Variants in NDUFB7 observed in about 807,000 individuals in gnomAD.
The protein encoded by NDUFB7 is NADH:ubiquinone oxidoreductase subunit B7.
A neutral mutation model predicts 14.7 loss-of-function variants in NDUFB7; 18 were observed. The observed-to-expected ratio is 1.22, with a 90% CI of 0.85 to 1.81. NDUFB7 has a LOEUF of 1.81. Among genes scored for constraint, NDUFB7 ranks in the 40% most tolerant of loss-of-function variants. The pLI, the probability that NDUFB7 is intolerant of heterozygous loss-of-function variation, is 0.00. For synonymous variants in NDUFB7, 86 were observed against 76.1 expected, an observed-to-expected ratio of 1.13 and a Z score of -0.68; for missense variants, 219 against 195.0, an observed-to-expected ratio of 1.12 and a Z score of -0.73.
Position 14,571,878 on chromosome 19 carries a change from C to T in NDUFB7, c.112+11G>A. ...CACGCCCTCTGGCTGCGCCTGCGCA[C>T]TGGGCCTCACCGCGCTCCTTGCGTT... On this transcript the variant is annotated intron_variant, in intron 1 of 2. Transcript: ENST00000215565. 1.2e-6 allele frequency: 2 copies of T among 1,602,480 alleles called. No individual in the cohort carries two copies. The highest frequency in any genetic ancestry group is 8.5e-7 in the Non-Finnish European group (1 of 1,175,658).
intron 1 of NDUFB7, among the ~76,000 whole-genome samples, chr19:14,568,037 T>C (rs1421168973): frequency 6.6e-6 from 1 of 152,160 alleles, no homozygotes; most frequent in Non-Finnish European, 1.5e-5. Context: ...TTACGCTTTG[T>C]TCTGGGAGCC....
Position 14,566,788 on chromosome 19 carries a change from G to A in NDUFB7, c.258C>T (p.Asp86=). The change falls in exon 2 of 3, where the codon GAC becomes GAT. Residue 86 remains aspartate (D), a synonymous_variant. Coordinates refer to ENST00000215565, the MANE Select transcript of NDUFB7 (RefSeq NM_004146.6). ...ACTCGCGGTGCTCGCAGTAGTCCCA[G>A]TCGTGCCGCTCCTGCTTGCAGGCCA... ...NFLACKQERH[D]WDYCEHRDYV... 1 of 1,545,896 alleles carries A rather than the reference G, an allele frequency of 6.5e-7. No homozygotes were observed. Among genetic ancestry groups the A allele is most frequent in the Admixed American group, 2.0e-5 (1 of 50,980 alleles).
At chr19:14,568,216 TG>T (rs2074104791) in intron 1 of NDUFB7, among the ~76,000 whole-genome samples, 1 of 152,200 alleles carries the variant, frequency 6.6e-6, no homozygotes, top group Admixed American at 6.5e-5. Context: ...GACTAATTTT[TG>T]TATTTTTAGT....
chr19:14,570,099 G>A (rs1225379941), intron 1 of NDUFB7, among the ~76,000 whole-genome samples: 2 of 152,096 alleles, frequency 1.3e-5, no homozygotes, highest in Non-Finnish European at 2.9e-5. Context: ...GTTTCACCAT[G>A]TTGGCCAGGC....
At position 14,572,061 on chromosome 19, in the gene NDUFB7, A is replaced by G; in HGVS notation, c.-61T>C. On this transcript the variant is annotated 5_prime_UTR_variant, in exon 1 of 3. Coordinates refer to ENST00000215565, the MANE Select transcript of NDUFB7 (RefSeq NM_004146.6). ...GGTCACCTAGCTCCTACCCGGAACC[A>G]CTGACCCCTCAGTCAGACACAGCTT... 1 of 1,286,002 alleles carries G rather than the reference A, an allele frequency of 7.8e-7. No homozygotes were observed. The highest frequency in any genetic ancestry group is 1.1e-6 in the Non-Finnish European group (1 of 929,212). The allele number at this position is 1,286,002 out of a possible 1,614,324, so 79.7% of individuals were successfully genotyped here. A position where few individuals can be genotyped will look rare whatever the true frequency, so the allele number is the denominator to read the frequency against.
chr19:14,570,303 G>A (rs568874903), intron 1 of NDUFB7, among the ~76,000 whole-genome samples: 1 of 151,930 alleles, frequency 6.6e-6, no homozygotes, highest in South Asian at 2.1e-4. Flanking sequence ...GGGTTCAAGC[G>A]ATTCTCCTGC....
chr19:14,571,091 G>A lies in NDUFB7; in HGVS notation c.112+798C>T, dbSNP rs111859464. On this transcript the variant is annotated intron_variant, in intron 1 of 2. Transcript: ENST00000215565. ...GAGGATCATTTGAGCCCAGGAGGTC[G>A]AGGATGCAATGAGCTGTGATTGTGC... Among the ~76,000 whole-genome samples the A allele has an allele frequency of 9.6e-3, 1,464 of 151,866 alleles. 30 individuals carry two copies. The highest frequency in any genetic ancestry group is 0.033 in the African/African-American group (1,365 of 41,410).
chr19:14,566,393 C>T, intron 2 of NDUFB7, 128 bp from the exon 3 acceptor site: 1 of 1,474,714 alleles, frequency 6.8e-7, no homozygotes, highest in Non-Finnish European at 9.2e-7. Context: ...GTCCGAGTGC[C>T]TGTGGCTTGG....
chr19:14,566,261 C>T lies in NDUFB7; in HGVS notation c.286G>A (p.Val96Met), dbSNP rs2074082541. 1 of 1,614,048 alleles carries T rather than the reference C, an allele frequency of 6.2e-7. No homozygotes were observed. Among genetic ancestry groups the T allele is most frequent in the Middle Eastern group, 1.6e-4 (1 of 6,062 alleles). The change falls in exon 3 of 3, where the codon GTG becomes ATG. Residue 96 changes from valine to methionine, a missense_variant. Transcript: ENST00000215565. ...CGCTCAAACTCCTTCATGCGCATCA[C>T]ATAGCTGGGGGAAAAGCACGAGAGG... ...DWDYCEHRDY[V>M]MRMKEFERER...
At chr19:14,566,411 G>T in intron 2 of NDUFB7, 146 bp from the exon 3 acceptor site, 1 of 1,363,918 alleles carries the variant, frequency 7.3e-7, no homozygotes, top group Non-Finnish European at 1.0e-6. Flanking sequence ...TGGGTCTGGG[G>T]TCTGCCCACG....
chr19:14,566,464 C>G (rs968011860), intron 2 of NDUFB7, among the ~76,000 whole-genome samples, 199 bp from the exon 3 acceptor site: 2 of 151,846 alleles, frequency 1.3e-5, no homozygotes, highest in Admixed American at 1.3e-4. Flanking sequence ...TTGGCCACTC[C>G]CCTAGGTGGC....
At chr19:14,570,286 G>A (rs1372359012) in intron 1 of NDUFB7, among the ~76,000 whole-genome samples, 1 of 151,064 alleles carries the variant, frequency 6.6e-6, no homozygotes, top group East Asian at 2.0e-4. Context: ...TATAACCTCT[G>A]CCTCCTGGGT....
chr19:14,571,833 G>C (rs988872314), intron 1 of NDUFB7, 56 bp downstream of exon 1: 53 of 1,506,934 alleles, frequency 3.5e-5, no homozygotes, highest in Admixed American at 5.7e-5. Flanking sequence ...GGGGTGCCAG[G>C]TGTTCAGGCA....
chr19:14,570,721 C>T (rs914754754), intron 1 of NDUFB7, among the ~76,000 whole-genome samples: 1 of 152,234 alleles, frequency 6.6e-6, no homozygotes, highest in Non-Finnish European at 1.5e-5. Context: ...CAATCTTTCC[C>T]ACTGTGCTGA....
In NDUFB7 at chr19:14,566,099, A is replaced by T; in HGVS notation, c.*34T>A. 1 of 1,591,316 alleles carries T rather than the reference A, an allele frequency of 6.3e-7. No homozygotes were observed. Among genetic ancestry groups the T allele is most frequent in the Non-Finnish European group, 8.6e-7 (1 of 1,168,262 alleles). ...CTGGTTGAGGGGCCTGAAGGCTTTT[A>T]TTTGACTGGTCCATAGGGTGGGGGG... On this transcript the variant is annotated 3_prime_UTR_variant, in exon 3 of 3. Coordinates refer to ENST00000215565, the MANE Select transcript of NDUFB7 (RefSeq NM_004146.6).
At chr19:14,568,900 C>A (rs1261328790) in intron 1 of NDUFB7, among the ~76,000 whole-genome samples, 2 of 151,914 alleles carry the variant, frequency 1.3e-5, no homozygotes, top group African/African-American at 4.8e-5. Context: ...ATGGGCCAGG[C>A]GCGGTGGCTC....
intron 1 of NDUFB7, among the ~76,000 whole-genome samples, chr19:14,568,330 C>T (rs1472130340): frequency 6.6e-6 from 1 of 152,150 alleles, no homozygotes; most frequent in Non-Finnish European, 1.5e-5. Flanking sequence ...CAGGTGTGAG[C>T]CACTGTGCCC....
chr19:14,569,079 G>A lies in NDUFB7; in HGVS notation c.113-2146C>T, dbSNP rs546675923. Among the ~76,000 whole-genome samples, 3 of 152,284 alleles carry A rather than the reference G, an allele frequency of 2.0e-5. No individual in the cohort carries two copies. The South Asian group carries it at 6.2e-4, about 32-fold the overall frequency. On this transcript the variant is annotated intron_variant, in intron 1 of 2. Transcript: ENST00000215565. ...AATCCCAGCTACTCGGGAGGCTGAGGCGGGAGAATCGCTTGAACCGGGAAG... is the reference window on the plus strand; with the variant it reads ...AATCCCAGCTACTCGGGAGGCTGAGACGGGAGAATCGCTTGAACCGGGAAG...
intron 1 of NDUFB7, among the ~76,000 whole-genome samples, chr19:14,568,863 C>T (rs2074108744): frequency 6.6e-6 from 1 of 152,018 alleles, no homozygotes; most frequent in South Asian, 2.1e-4. Context: ...AGAGCGAGAG[C>T]CCATCTCTAC....
Sources: gnomAD v4.1 joint callset for allele counts (sites outside exome capture counted in the v4.1 genomes callset) on GRCh38, gnomAD v4.1.1 for gene constraint, MANE v1.5 for transcripts, NCBI Gene and HGNC (gene_info 2026-07-23, HGNC 2026-07-21) for gene names.